Variants in MCF2L observed in about 807,000 individuals in gnomAD.
The protein encoded by MCF2L is guanine nucleotide exchange factor DBS.
In MCF2L, 97 loss-of-function variants were observed where a neutral mutation model predicts 153.4. That is an observed-to-expected ratio of 0.63 (90% CI 0.54 to 0.75). The LOEUF is 0.75. Among genes scored for constraint, MCF2L ranks in the 30% least tolerant of loss-of-function variants. MCF2L has a pLI of 0.00. For synonymous variants in MCF2L, 659 were observed against 632.2 expected (o/e 1.04, Z -0.64); for missense variants, 1,347 against 1,495.2 (o/e 0.90, Z 1.64).
intron 1 of MCF2L, among the ~76,000 whole-genome samples, chr13:113,004,466 G>A (rs2083562760): frequency 1.3e-5 from 2 of 152,222 alleles, no homozygotes; most frequent in African/African-American, 4.8e-5. Context: ...GTGCTGGGGG[G>A]TTCCTCTGGG....
intron 2 of MCF2L, among the ~76,000 whole-genome samples, chr13:112,916,069 A>G (rs1276947788): frequency 6.6e-6 from 1 of 151,076 alleles, no homozygotes; most frequent in African/African-American, 2.4e-5. Flanking sequence ...TTAGCCGGGC[A>G]TGATGGCGGT....
At position 112,969,401 on chromosome 13, in the gene MCF2L, GAA is replaced by G. The variant is rs2081966353; in HGVS notation, c.23_24del (p.Glu8GlyfsTer20). On this transcript the variant is annotated frameshift_variant, in exon 1 of 30. Transcript: ENST00000535094. LOFTEE classifies it high-confidence loss of function. The surrounding 1 kb of genome is among the most constrained non-coding windows in gnomAD (Gnocchi z 4.8). ...GAGGATGAGGTTTTGGCTGAGGACTGAAGAGATGGCCTTGGAAGAAATGGTGC... is the reference window on the plus strand; with the variant it reads ...GAGGATGAGGTTTTGGCTGAGGACTGGAGATGGCCTTGGAAGAAATGGTGC... MRFWLRT[E>X]EMALEEMVQR... 1 of 1,550,358 alleles carries G rather than the reference GAA, an allele frequency of 6.5e-7. No homozygotes were observed. The highest frequency in any genetic ancestry group is 8.7e-7 in the Non-Finnish European group (1 of 1,146,902).
intron 1 of MCF2L, among the ~76,000 whole-genome samples, chr13:112,999,975 G>A (rs970198717): frequency 6.3e-5 from 6 of 94,662 alleles, no homozygotes; most frequent in Non-Finnish European, 1.6e-4. Context: ...GCAGGGCTGA[G>A]GCACAGGTGG....
At chr13:112,963,867 C>T (rs938131915) in intron 2 of MCF2L, among the ~76,000 whole-genome samples, 13 of 152,308 alleles carry the variant, frequency 8.5e-5, no homozygotes, top group African/African-American at 2.6e-4. Flanking sequence ...AGAGGCAGGG[C>T]GGCTCCTCCA....
intron 1 of MCF2L, among the ~76,000 whole-genome samples, chr13:112,989,981 A>G (rs948347396): frequency 5.3e-5 from 8 of 152,190 alleles, no homozygotes; most frequent in African/African-American, 1.9e-4. Flanking sequence ...ACAGTTCACC[A>G]TAGGTTCGCT....
In MCF2L at chr13:113,076,109, C is replaced by T. The variant is rs1594944085; in HGVS notation, c.1452C>T (p.Leu484=). The change falls in exon 12 of 30, where the codon CTC becomes CTT. Residue 484 remains leucine, a synonymous_variant. Coordinates refer to ENST00000535094, the MANE Select transcript of MCF2L (RefSeq NM_001112732.3). The part of the protein sequence containing the change: ...ETGAENKIQE[L]NAIYKEYESI... Reference sequence around the variant, plus strand: ...GTGCGGAAAATAAGATCCAGGAGCTCAACGCGATTTACAAGGAATACGAAT... The same window carrying T: ...GTGCGGAAAATAAGATCCAGGAGCTTAACGCGATTTACAAGGAATACGAAT... The T allele has an allele frequency of 1.2e-6, 2 of 1,613,964 alleles. No individual in the cohort carries two copies. The highest frequency in any genetic ancestry group is 3.3e-4 in the Middle Eastern group (2 of 6,062).
intron 4 of MCF2L, among the ~76,000 whole-genome samples, chr13:113,050,761 CGGTGGCGGGGGGAGGGGGGCGGCA>C (rs2087242914): frequency 9.0e-4 from 2 of 2,226 alleles, no homozygotes; most frequent in Admixed American, 4.3e-3. Flanking sequence ...GTGCGGGGGG[CGGTGGCGGGGGGAGGGGGGCGGCA>C]GGGGGCGGTG....
intron 26 of MCF2L, chr13:113,091,141 A>C (rs1184452527): frequency 7.7e-7 from 1 of 1,300,932 alleles, no homozygotes; most frequent in Non-Finnish European, 1.0e-6. Context: ...CAGTCCTGAC[A>C]AAAAAGCCAA....
rs543153941 is a variant in MCF2L at position 112,943,971 on chromosome 13, C to A, written c.169+41600C>A. ...CCAGGGGCGCAGAGAGGGTCCCGGG[C>A]CGTGAGGGGAGGGTCCCGGGTGAGG... On this transcript the variant is annotated intron_variant, in intron 2 of 29. Coordinates refer to the MCF2L transcript ENST00000375608. The surrounding 1 kb of genome is among the most constrained non-coding windows in gnomAD (Gnocchi z 4.2). 6.8e-6 allele frequency among the ~76,000 whole-genome samples: 1 copy of A among 146,164 alleles called. No homozygotes were observed. The highest frequency in any genetic ancestry group is 2.7e-5 in the African/African-American group (1 of 36,626).
chr13:112,933,736 C>T (rs1293001977), intron 2 of MCF2L, among the ~76,000 whole-genome samples: 2 of 152,270 alleles, frequency 1.3e-5, no homozygotes, highest in Non-Finnish European at 2.9e-5. Flanking sequence ...TAGCAGAAAT[C>T]ATGACGCAGC....
At chr13:112,939,414 C>T (rs935081412) in intron 2 of MCF2L, among the ~76,000 whole-genome samples, 2 of 152,154 alleles carry the variant, frequency 1.3e-5, no homozygotes, top group Admixed American at 6.5e-5. Flanking sequence ...CCAGAAATTG[C>T]CCAGTGCATG....
rs544808138 is a variant in MCF2L, at chr13:113,076,171, G to C, written c.1500+14G>C. On this transcript the variant is annotated intron_variant, in intron 12 of 29. Transcript: ENST00000535094. ...CAAGATCTCATGGTAACGCTGACTC[G>C]GGCTCTCCATTTGCAGCTTGCTGTC... 4.1e-5 allele frequency: 65 copies of C among 1,599,830 alleles called. 1 individual carries two copies. The East Asian group carries it at 8.5e-4, about 21-fold the overall frequency.
chr13:112,966,455 C>A (rs536577738), upstream of MCF2L, among the ~76,000 whole-genome samples: 39 of 152,308 alleles, frequency 2.6e-4, 1 homozygote, highest in African/African-American at 9.1e-4. The surrounding 1 kb of genome is among the most constrained non-coding windows in gnomAD (Gnocchi z 4.1). Context: ...TTATGTCACA[C>A]ACCTTACTCA....
Position 112,960,813 on chromosome 13 carries a change from A to T in MCF2L, c.170-53950A>T, listed in dbSNP as rs1388789575. Among the ~76,000 whole-genome samples the T allele has an allele frequency of 6.6e-6, 1 of 151,528 alleles. No individual in the cohort carries two copies. Among genetic ancestry groups the T allele is most frequent in the Non-Finnish European group, 1.5e-5 (1 of 67,860 alleles). Reference sequence around the variant, plus strand: ...CCCAGACCCTTACATCCATCCTCACATCTCCTCCCTGCCTGAGCCTCCTGC... The same window carrying T: ...CCCAGACCCTTACATCCATCCTCACTTCTCCTCCCTGCCTGAGCCTCCTGC... On this transcript the variant is annotated intron_variant, in intron 2 of 29. Transcript: ENST00000375608. The surrounding 1 kb of genome is among the most constrained non-coding windows in gnomAD (Gnocchi z 4.2).
At chr13:112,896,297 T>C (rs912077475) in intron 1 of MCF2L, among the ~76,000 whole-genome samples, 2 of 152,056 alleles carry the variant, frequency 1.3e-5, no homozygotes, top group African/African-American at 4.8e-5. Flanking sequence ...CTCCTGAGGT[T>C]TCCCTTTACC....
intron 4 of MCF2L, chr13:113,052,498 T>C (rs1016807696): frequency 6.0e-6 from 1 of 166,822 alleles, no homozygotes; most frequent in Non-Finnish European, 1.5e-5. Flanking sequence ...CCTGGTTTAT[T>C]TTTTTCAGCT....
chr13:112,988,780 G>A (rs1023210072), intron 1 of MCF2L, among the ~76,000 whole-genome samples: 1 of 124,092 alleles, frequency 8.1e-6, no homozygotes, highest in African/African-American at 3.1e-5. Flanking sequence ...CCATGCCCGA[G>A]TCCTCCCTGA....
At position 112,979,343 on chromosome 13, in the gene MCF2L, C is replaced by T. The variant is rs532339328; in HGVS notation, c.79+9885C>T. ...TGCACACAGCAGGCAGGCCCAGCGGCTGGGTTTCTCTAGCACCTCGGCATT... is the reference window on the plus strand; with the variant it reads ...TGCACACAGCAGGCAGGCCCAGCGGTTGGGTTTCTCTAGCACCTCGGCATT... On this transcript the variant is annotated intron_variant, in intron 1 of 29. Coordinates refer to ENST00000535094, the MANE Select transcript of MCF2L (RefSeq NM_001112732.3). The T allele has an allele frequency of 2.7e-4, 337 of 1,265,626 alleles. 4 individuals carry two copies. In the South Asian group the frequency reaches 6.1e-3, roughly 23 times the overall value. 78.4% of individuals were successfully genotyped at this position (1,265,626 alleles called of 1,614,324 possible). A position where few individuals can be genotyped will look rare whatever the true frequency, so the allele number is the denominator to read the frequency against.
intron 2 of MCF2L, among the ~76,000 whole-genome samples, chr13:112,918,668 G>A (rs1359226127): frequency 6.6e-6 from 1 of 152,222 alleles, no homozygotes; most frequent in African/African-American, 2.4e-5. Flanking sequence ...CACTCAGCTG[G>A]CTGGCATTTC....
Sources: allele counts gnomAD v4.1 joint callset (sites outside exome capture counted in the v4.1 genomes callset), GRCh38; gene constraint gnomAD v4.1.1; non-coding constraint Gnocchi (gnomAD v3.1); transcripts MANE v1.5; gene names NCBI Gene and HGNC (gene_info 2026-07-23, HGNC 2026-07-21).